Variants in RIMKLB observed in about 807,000 individuals in gnomAD.
RIMKLB encodes ribosomal modification protein rimK like family member B, also known as beta-citrylglutamate synthase B.
Under a neutral mutation model 32.0 loss-of-function variants are expected in RIMKLB, and 7 were observed. The observed-to-expected ratio is 0.22, with a 90% confidence interval of 0.12 to 0.41. RIMKLB has a LOEUF of 0.41. Among genes scored for constraint, RIMKLB ranks in the 10% least tolerant of loss-of-function variants. The pLI is 1.00. For synonymous variants in RIMKLB, 172 were observed against 185.1 expected, an observed-to-expected ratio of 0.93 and a Z score of 0.57; for missense variants, 289 against 498.7, an observed-to-expected ratio of 0.58 and a Z score of 4.00.
chr12:8,772,314 A>C (rs1203670578), intron 5 of RIMKLB, among the ~76,000 whole-genome samples: 1 of 152,204 alleles, frequency 6.6e-6, no homozygotes, highest in African/African-American at 2.4e-5. Context: ...TTAGTTGAGT[A>C]ATCATGTTTT....
chr12:8,688,968 G>A (rs752313582), intron 1 of RIMKLB, among the ~76,000 whole-genome samples: 32 of 152,090 alleles, frequency 2.1e-4, no homozygotes, highest in Non-Finnish European at 2.9e-4. Context: ...CCAAGTAGCT[G>A]GGATTACAGG....
the RIMKLB span, among the ~76,000 whole-genome samples, chr12:8,676,285 G>A: frequency 6.6e-6 from 1 of 151,366 alleles, no homozygotes; most frequent in Non-Finnish European, 1.5e-5. Context: ...TGTTACCTGG[G>A]CTGGTCTCGA....
At chr12:8,781,401 T>C (rs186804729), downstream of RIMKLB, among the ~76,000 whole-genome samples, 5 of 152,232 alleles carry the variant, frequency 3.3e-5, no homozygotes, top group East Asian at 9.7e-4. Context: ...CTTTGGGAGA[T>C]AACAAAGAGT....
At chr12:8,700,326 A>G (rs146112997) in intron 1 of RIMKLB, 2 of 152,282 alleles carry the variant, frequency 1.3e-5, no homozygotes, top group African/African-American at 2.4e-5. Context: ...CCTTTTCACA[A>G]TTTGTATCCA....
rs146102158 is a variant in RIMKLB, at chr12:8,753,160, T to C, written c.494-730T>C. On this transcript the variant is annotated intron_variant, in intron 4 of 5. Transcript: ENST00000535829. Reference sequence around the variant, plus strand: ...CAACTGGAACTATTGACTGGATTCTTTATATTTGGCTTCTCCAGTAGAGCA... The same window carrying C: ...CAACTGGAACTATTGACTGGATTCTCTATATTTGGCTTCTCCAGTAGAGCA... 1.1e-4 allele frequency among the ~76,000 whole-genome samples: 16 copies of C among 152,304 alleles called. No individual in the cohort carries two copies. The East Asian group carries it at 3.1e-3, about 29-fold the overall frequency.
At position 8,775,682 on chromosome 12, in the gene RIMKLB, TA is replaced by T; in HGVS notation, c.*1902del. ...TCCCCCGTTTTAAAAAGGAATGTAA[TA>T]AAATTTGTTTTTTCCATAGAATTAA... On this transcript the variant is annotated 3_prime_UTR_variant, in exon 6 of 6. Transcript: ENST00000535829. 1.0e-6 allele frequency: 1 copy of T among 985,358 alleles called. No homozygotes were observed. The highest frequency in any genetic ancestry group is 1.2e-6 in the Non-Finnish European group (1 of 829,496). The allele number at this position is 985,358 out of a possible 1,614,324, so 61.0% of individuals were successfully genotyped here. A position where few individuals can be genotyped will look rare whatever the true frequency, so the allele number is the denominator to read the frequency against.
chr12:8,691,256 G>T (rs1175983335), intron 1 of RIMKLB, among the ~76,000 whole-genome samples: 1 of 152,056 alleles, frequency 6.6e-6, no homozygotes, highest in Admixed American at 6.6e-5. Context: ...CTTCCAAGCA[G>T]CTGGGACTAT....
At chr12:8,747,050 A>G (rs958170746) in intron 2 of RIMKLB, among the ~76,000 whole-genome samples, 5 of 152,080 alleles carry the variant, frequency 3.3e-5, no homozygotes, top group East Asian at 1.9e-4. Context: ...AAAATTTTGT[A>G]TAATTGTCAT....
At chr12:8,738,740 C>G (rs757149874) in intron 2 of RIMKLB, among the ~76,000 whole-genome samples, 15 of 152,252 alleles carry the variant, frequency 9.9e-5, no homozygotes, top group African/African-American at 2.4e-4. Context: ...AGTGATACCC[C>G]CCGTCCCCCA....
intron 1 of RIMKLB, among the ~76,000 whole-genome samples, chr12:8,698,845 TC>T (rs1243515553): frequency 6.6e-6 from 1 of 152,160 alleles, no homozygotes; most frequent in Non-Finnish European, 1.5e-5. Context: ...TTCCATCTTT[TC>T]CTTTGACAGT....
intron 2 of RIMKLB, among the ~76,000 whole-genome samples, chr12:8,737,092 C>T (rs376316653): frequency 1.3e-5 from 2 of 152,150 alleles, no homozygotes; most frequent in African/African-American, 2.4e-5. Flanking sequence ...GTATTACAGA[C>T]GTGAGCCATC....
At chr12:8,673,223 A>AGTTCTT in the RIMKLB span, among the ~76,000 whole-genome samples, 2 of 151,988 alleles carry the variant, frequency 1.3e-5, no homozygotes, top group East Asian at 3.9e-4. Context: ...GAACAGCCTA[A>AGTTCTT]TACAGTGACA....
intron 5 of RIMKLB, among the ~76,000 whole-genome samples, chr12:8,759,959 A>G (rs887752340): frequency 2.6e-5 from 4 of 152,044 alleles, no homozygotes; most frequent in African/African-American, 4.8e-5. Flanking sequence ...ATTTATTTTT[A>G]TTATACTTTA....
In RIMKLB at chr12:8,698,079, G is replaced by C. The variant is rs1943004560; in HGVS notation, c.-275G>C. The C allele has an allele frequency of 7.7e-6, 2 of 260,774 alleles. No homozygotes were observed. Among genetic ancestry groups the C allele is most frequent in the Non-Finnish European group, 1.6e-5 (2 of 127,218 alleles). The allele number at this position is 260,774 out of a possible 1,614,324, so 16.2% of individuals were successfully genotyped here. On this transcript the variant is annotated 5_prime_UTR_variant, in exon 1 of 6. Coordinates refer to ENST00000535829, the MANE Select transcript of RIMKLB (RefSeq NM_001297776.2). ...GGAGTGGGGTGAGGGAGAAGCTGAC[G>C]GGACGCGAGGCTGTGAGAAACTGGG...
the RIMKLB span, among the ~76,000 whole-genome samples, chr12:8,674,666 G>A: frequency 1.3e-5 from 2 of 150,076 alleles, no homozygotes; most frequent in African/African-American, 4.9e-5. Flanking sequence ...TCTCCTGCCT[G>A]AGCCTCCCAA....
chr12:8,777,055 A>C lies in RIMKLB; in HGVS notation c.*3271A>C. On this transcript the variant is annotated 3_prime_UTR_variant, in exon 6 of 6. Coordinates refer to ENST00000535829, the MANE Select transcript of RIMKLB (RefSeq NM_001297776.2). ...GCTGGTGAGACACGATCCCCTCCTA[A>C]GAAAATGTAGGTGCTCAGACAGGTA... 1 of 985,794 alleles carries C rather than the reference A, an allele frequency of 1.0e-6. No individual in the cohort carries two copies. The highest frequency in any genetic ancestry group is 1.2e-6 in the Non-Finnish European group (1 of 829,954). The allele number at this position is 985,794 out of a possible 1,614,324, so 61.1% of individuals were successfully genotyped here.
downstream of RIMKLB, among the ~76,000 whole-genome samples, chr12:8,781,930 CTGT>C (rs1565443629): frequency 1.3e-5 from 2 of 151,998 alleles, no homozygotes; most frequent in African/African-American, 4.8e-5. Context: ...ACTATAGTAT[CTGT>C]TGTTTCTGGC....
At chr12:8,691,194 T>C (rs1942721154) in intron 1 of RIMKLB, among the ~76,000 whole-genome samples, 2 of 152,270 alleles carry the variant, frequency 1.3e-5, no homozygotes, top group East Asian at 1.9e-4. Flanking sequence ...AGCATGATCA[T>C]GGTTCACTGC....
At chr12:8,729,189 G>C (rs1946314135) in intron 2 of RIMKLB, among the ~76,000 whole-genome samples, 1 of 152,170 alleles carries the variant, frequency 6.6e-6, no homozygotes, top group Non-Finnish European at 1.5e-5. Context: ...TCAATGGAGG[G>C]TCAGTGTGAC....
Sources: gnomAD v4.1 joint callset for allele counts (sites outside exome capture counted in the v4.1 genomes callset) on GRCh38, gnomAD v4.1.1 for gene constraint, MANE v1.5 for transcripts, NCBI Gene and HGNC (gene_info 2026-07-23, HGNC 2026-07-21) for gene names.